CCNH: variants seen among roughly 807,000 people sequenced by gnomAD.
The protein encoded by CCNH is cyclin H.
A neutral mutation model predicts 41.9 loss-of-function variants in CCNH; 31 were observed. The ratio of observed to expected loss-of-function variants is 0.74; its 90% CI spans 0.56 to 1.00. The LOEUF (loss-of-function observed/expected upper bound fraction) is 1.00, where lower values mean the gene tolerates loss of function less well. Ranked by LOEUF, CCNH falls within the 50% of genes least tolerant of loss-of-function variation. The pLI is 0.00. For missense variants in CCNH, 362 were observed against 388.4 expected (o/e 0.93, Z 0.57); for synonymous variants, 138 against 136.1 (o/e 1.01, Z -0.10).
chr5:87,343,179 T>C (rs1190633277), intron 9 of CCNH, among the ~76,000 whole-genome samples: 1 of 152,208 alleles, frequency 6.6e-6, no homozygotes, highest in African/African-American at 2.4e-5. Context: ...GGTATAACTT[T>C]GGTTGAATTT....
intron 9 of CCNH, among the ~76,000 whole-genome samples, chr5:87,338,700 T>G (rs558133639): frequency 1.3e-5 from 2 of 151,132 alleles, no homozygotes; most frequent in African/African-American, 4.8e-5. Context: ...TTCTTTTTTT[T>G]GCCGTCCTTT....
chr5:87,405,870 G>C (rs1763751486), intron 4 of CCNH, among the ~76,000 whole-genome samples: 1 of 151,924 alleles, frequency 6.6e-6, no homozygotes, highest in Admixed American at 6.6e-5. Context: ...CTTTCGCTTT[G>C]CAACTATACC....
chr5:87,338,061 C>G (rs1374950938), intron 9 of CCNH: 1 of 1,611,988 alleles, frequency 6.2e-7, no homozygotes, highest in Non-Finnish European at 8.5e-7. Context: ...ATGAACAAGG[C>G]CTTATTGTTG....
intron 4 of CCNH, among the ~76,000 whole-genome samples, chr5:87,407,471 A>T (rs911463645): frequency 1.3e-5 from 2 of 152,198 alleles, no homozygotes; most frequent in Non-Finnish European, 2.9e-5. Context: ...AAAACAACTT[A>T]AAAAAGTTGC....
downstream of CCNH, chr5:87,386,948 A>C (rs1224294228): frequency 1.3e-6 from 2 of 1,494,738 alleles, no homozygotes; most frequent in South Asian, 2.3e-5. Flanking sequence ...CTTCTAGTTG[A>C]TATAGCTGAG....
chr5:87,347,605 T>A (rs1177306141), intron 9 of CCNH, among the ~76,000 whole-genome samples: 1 of 152,030 alleles, frequency 6.6e-6, no homozygotes, highest in Non-Finnish European at 1.5e-5. Flanking sequence ...ATTGTTTTAA[T>A]CCATAAAGCA....
At chr5:87,379,601 A>C, upstream of CCNH, 1 of 1,261,312 alleles carries the variant, frequency 7.9e-7, no homozygotes, top group East Asian at 2.7e-5. Flanking sequence ...CCCATTATAC[A>C]AAGAAAAAAG....
intron 9 of CCNH, among the ~76,000 whole-genome samples, chr5:87,330,631 GT>G (rs1371602503): frequency 6.6e-6 from 1 of 152,146 alleles, no homozygotes; most frequent in African/African-American, 2.4e-5. Context: ...GTATGCTAGA[GT>G]TACAGCCAGT....
intron 9 of CCNH, among the ~76,000 whole-genome samples, chr5:87,329,624 ACTAC>A (rs1166739971): frequency 6.6e-6 from 1 of 152,188 alleles, no homozygotes; most frequent in Non-Finnish European, 1.5e-5. Flanking sequence ...TCATCTTGAC[ACTAC>A]CTAAGACATA....
intron 9 of CCNH, among the ~76,000 whole-genome samples, chr5:87,361,827 T>C (rs998764729): frequency 6.6e-6 from 1 of 151,884 alleles, no homozygotes; most frequent in Non-Finnish European, 1.5e-5. Context: ...AATATAAATA[T>C]GTTGCTTAGT....
intron 4 of CCNH, 147 bp from the exon 5 acceptor site, chr5:87,405,154 T>C: frequency 1.7e-6 from 1 of 571,942 alleles, no homozygotes; most frequent in South Asian, 2.5e-5. Flanking sequence ...GTCCTCAATT[T>C]ACATTAATCC....
chr5:87,353,275 T>C, intron 9 of CCNH: 1 of 1,461,626 alleles, frequency 6.8e-7, no homozygotes, highest in Non-Finnish European at 9.6e-7. Flanking sequence ...TAGCATTTTA[T>C]TTTAAAATGC....
chr5:87,321,681 G>A (rs545595150), intron 9 of CCNH, among the ~76,000 whole-genome samples: 184 of 152,354 alleles, frequency 1.2e-3, no homozygotes, highest in Non-Finnish European at 1.9e-3. Context: ...CTCTGTTTCC[G>A]TGGAGTTAGG....
Position 87,404,887 on chromosome 5 carries a change from C to T in CCNH, c.646G>A (p.Ala216Thr). Residue 216 changes from alanine (A) to threonine (T), a missense_variant, in exon 5 of 9, where the codon GCC becomes ACC. Coordinates refer to ENST00000256897, the MANE Select transcript of CCNH (RefSeq NM_001239.4). ...LYTPSQIALT[A>T]ILSSASRAGI... ...GCCCTGGAGGCACTAGATAAAATGG[C>T]AGTCAGGGCAATTTGGGAAGGTGTG... 3 of 1,613,288 alleles carry T rather than the reference C, an allele frequency of 1.9e-6. No homozygotes were observed. In the South Asian group the frequency reaches 3.3e-5, roughly 18 times the overall value.
At position 87,408,218 on chromosome 5, in the gene CCNH, G is replaced by C. The variant is rs772384578; in HGVS notation, c.315-32C>G. Reference sequence around the variant, plus strand: ...GAAAAAATAAGGAGGCAGGAGGCAGGGGGTGGGTGGGGTGGAAGAACATGC... The same window carrying C: ...GAAAAAATAAGGAGGCAGGAGGCAGCGGGTGGGTGGGGTGGAAGAACATGC... On this transcript the variant is annotated intron_variant, in intron 3 of 8. Transcript: ENST00000256897. The C allele has an allele frequency of 1.5e-5, 15 of 1,021,098 alleles. 1 individual carries two copies. The Admixed American group carries it at 3.0e-4, about 20-fold the overall frequency. 63.3% of individuals were successfully genotyped at this position (1,021,098 alleles called of 1,614,324 possible).
At chr5:87,391,061 G>T, downstream of CCNH, 1 of 696,538 alleles carries the variant, frequency 1.4e-6, no homozygotes, top group South Asian at 1.6e-5. Flanking sequence ...CAGCAACCTT[G>T]TAAGCTATCT....
chr5:87,325,671 G>A (rs1244019288), intron 9 of CCNH, among the ~76,000 whole-genome samples: 1 of 152,222 alleles, frequency 6.6e-6, no homozygotes, highest in Non-Finnish European at 1.5e-5. Context: ...CAAGTGGAAA[G>A]TAAAAGTAAT....
At chr5:87,362,603 C>A (rs2112456792) in intron 9 of CCNH, 1 of 1,595,788 alleles carries the variant, frequency 6.3e-7, no homozygotes, top group Non-Finnish European at 8.6e-7. Context: ...ATCTATAATA[C>A]CATCCGTCGT....
downstream of CCNH, chr5:87,389,302 G>A: frequency 1.3e-6 from 2 of 1,523,414 alleles, no homozygotes; most frequent in Non-Finnish European, 1.8e-6. Context: ...TTGCATTTCA[G>A]CCTGGGCAAC....
Sources: gnomAD v4.1 joint callset for allele counts (sites outside exome capture counted in the v4.1 genomes callset) on GRCh38, gnomAD v4.1.1 for gene constraint, MANE v1.5 for transcripts, NCBI Gene and HGNC (gene_info 2026-07-23, HGNC 2026-07-21) for gene names.